Variants in YIF1B observed in about 807,000 individuals in gnomAD.
The protein encoded by YIF1B is protein YIF1B.
A neutral mutation model predicts 34.6 loss-of-function variants in YIF1B; 24 were observed. That is an observed-to-expected ratio of 0.69 (90% CI 0.50 to 0.98). YIF1B has a LOEUF of 0.98. Among genes scored for constraint, YIF1B ranks in the 50% least tolerant of loss-of-function variants. The pLI is 0.00. For missense variants in YIF1B, 368 were observed against 429.4 expected (o/e 0.86, Z 1.26); for synonymous variants, 186 against 184.8 (o/e 1.01, Z -0.05).
upstream of YIF1B, chr19:38,320,122 G>T: frequency 2.5e-6 from 4 of 1,583,318 alleles, no homozygotes; most frequent in Non-Finnish European, 3.4e-6. Flanking sequence ...GGCTGCCCCC[G>T]CCCTGGACGC....
chr19:38,319,731 C>G (rs1969623172), upstream of YIF1B: 1 of 505,470 alleles, frequency 2.0e-6, no homozygotes, highest in African/African-American at 2.0e-5. Context: ...TGGGCTCCAC[C>G]CTCTCCGAAC....
At chr19:38,306,502 G>C (rs1420344589) in intron 7 of YIF1B, among the ~76,000 whole-genome samples, 1 of 151,584 alleles carries the variant, frequency 6.6e-6, no homozygotes, top group African/African-American at 2.4e-5. Context: ...TGAGTCACGT[G>C]CTTGGCCTAA....
chr19:38,318,786 C>T (rs1476957500), upstream of YIF1B, among the ~76,000 whole-genome samples: 4 of 152,274 alleles, frequency 2.6e-5, no homozygotes, highest in Admixed American at 2.6e-4. Flanking sequence ...CTCTGCCAGT[C>T]GGATGGGGTT....
chr19:38,312,335 T>G (rs935829831), intron 1 of YIF1B, among the ~76,000 whole-genome samples: 1 of 149,512 alleles, frequency 6.7e-6, no homozygotes, highest in Non-Finnish European at 1.5e-5. Flanking sequence ...GAGGACTGCT[T>G]GAACCTGGGA....
At chr19:38,315,764 T>C (rs756542265) in intron 1 of YIF1B, 96 bp downstream of exon 1, 2 of 1,603,318 alleles carry the variant, frequency 1.2e-6, no homozygotes, top group African/African-American at 1.3e-5. Flanking sequence ...TTCCAGATCC[T>C]TGATCTCGTG....
At chr19:38,311,480 A>G (rs1969324854) in intron 1 of YIF1B, among the ~76,000 whole-genome samples, 1 of 152,144 alleles carries the variant, frequency 6.6e-6, no homozygotes, top group African/African-American at 2.4e-5. Context: ...TCATCTTCAC[A>G]ACCACCCTGT....
Position 38,305,131 on chromosome 19 carries a change from T to A in YIF1B, c.*221A>T. 7.0e-7 allele frequency: 1 copy of A among 1,421,050 alleles called. No homozygotes were observed. Among genetic ancestry groups the A allele is most frequent in the Non-Finnish European group, 9.4e-7 (1 of 1,068,256 alleles). The allele number at this position is 1,421,050 out of a possible 1,614,324, so 88.0% of individuals were successfully genotyped here. On this transcript the variant is annotated 3_prime_UTR_variant, in exon 8 of 8. Coordinates refer to ENST00000339413, the MANE Select transcript of YIF1B (RefSeq NM_001039672.3). ...CTGTCCACGCCATGCCCATCAGGGT[T>A]TATTGTTTCTGTAACAGCGGCCACG...
chr19:38,319,888 G>T (rs1156846468), upstream of YIF1B: 38 of 1,338,958 alleles, frequency 2.8e-5, no homozygotes, highest in South Asian at 4.5e-4. Flanking sequence ...GGTGCCAGAC[G>T]GTCCGGAGGC....
chr19:38,309,678 C>T, intron 1 of YIF1B, 35 bp from the exon 2 acceptor site: 1 of 1,577,756 alleles, frequency 6.3e-7, no homozygotes, highest in Non-Finnish European at 8.6e-7. Flanking sequence ...AGCTGGGGAC[C>T]CAGGATAGGT....
upstream of YIF1B, among the ~76,000 whole-genome samples, chr19:38,319,262 T>A (rs1199726060): frequency 6.6e-6 from 1 of 152,010 alleles, no homozygotes; most frequent in Non-Finnish European, 1.5e-5. Context: ...CTTGTGTCAG[T>A]CTCCCAGTTA....
rs151024907 is a variant in YIF1B, at chr19:38,308,099, C to T, written c.540-347G>A. Among the ~76,000 whole-genome samples the T allele has an allele frequency of 1.5e-4, 23 of 152,292 alleles. No homozygotes were observed. In the East Asian group the frequency reaches 4.4e-3, roughly 29 times the overall value. On this transcript the variant is annotated intron_variant, in intron 5 of 7. Coordinates refer to ENST00000339413, the MANE Select transcript of YIF1B (RefSeq NM_001039672.3). Reference sequence around the variant, plus strand: ...GGCCTCTGCCACATCCCCAGGGCCTCACCAGTTAGTTAATGACAGATGTGT... The same window carrying T: ...GGCCTCTGCCACATCCCCAGGGCCTTACCAGTTAGTTAATGACAGATGTGT...
At position 38,309,338 on chromosome 19, in the gene YIF1B, C is replaced by T; in HGVS notation, c.298-10G>A. 1.2e-6 allele frequency: 2 copies of T among 1,613,878 alleles called. No individual in the cohort carries two copies. The highest frequency in any genetic ancestry group is 1.7e-6 in the Non-Finnish European group (2 of 1,179,864). On this transcript the variant is annotated splice_polypyrimidine_tract_variant and intron_variant, in intron 2 of 7. Coordinates refer to ENST00000339413, the MANE Select transcript of YIF1B (RefSeq NM_001039672.3). ...GGATGAAGCGGTCGATCTGGGGAGGCAGAGCTCAAGTCTGAAGCCCTGTGG... is the reference window on the plus strand; with the variant it reads ...GGATGAAGCGGTCGATCTGGGGAGGTAGAGCTCAAGTCTGAAGCCCTGTGG...
intron 1 of YIF1B, 58 bp downstream of exon 1, chr19:38,315,802 C>T: frequency 1.3e-6 from 2 of 1,513,188 alleles, no homozygotes; most frequent in Non-Finnish European, 1.8e-6. Context: ...ACCTCGCCAA[C>T]CGACGCGGCC....
At chr19:38,320,237 C>T (rs778335237), upstream of YIF1B, 1 of 1,606,026 alleles carries the variant, frequency 6.2e-7, no homozygotes, top group Non-Finnish European at 8.5e-7. Flanking sequence ...TTCGCCTCTG[C>T]TCTCTTCTTC....
upstream of YIF1B, chr19:38,320,407 C>T (rs1969637548): frequency 6.4e-6 from 6 of 931,488 alleles, no homozygotes; most frequent in East Asian, 1.7e-4. Flanking sequence ...GAAAAGACCC[C>T]AGTGAGGACC....
intron 5 of YIF1B, 51 bp downstream of exon 5, chr19:38,308,741 C>G: frequency 6.2e-7 from 1 of 1,611,244 alleles, no homozygotes; most frequent in Non-Finnish European, 8.5e-7. Flanking sequence ...CCTGACCAAC[C>G]ATGGGCCTCC....
rs7248001 is a variant in YIF1B, at chr19:38,304,871, C to T, written c.*481G>A. ...CCCACGCTGCTGGCTCCAAGCAGCACGAGAGCATCCCGGGCAAGGCCAAGA... is the reference window on the plus strand; with the variant it reads ...CCCACGCTGCTGGCTCCAAGCAGCATGAGAGCATCCCGGGCAAGGCCAAGA... On this transcript the variant is annotated 3_prime_UTR_variant, in exon 8 of 8. Transcript: ENST00000339413. 9.0e-4 allele frequency: 1,448 copies of T among 1,613,662 alleles called. 10 individuals carry two copies. In the African/African-American group the frequency reaches 0.017, roughly 19 times the overall value.
intron 7 of YIF1B, among the ~76,000 whole-genome samples, chr19:38,306,122 T>G (rs1037565685): frequency 5.0e-5 from 7 of 139,288 alleles, no homozygotes; most frequent in Non-Finnish European, 1.1e-4. Context: ...GACTTGCTCC[T>G]GAACCCAAGA....
chr19:38,321,800 T>C (rs1288256968), upstream of YIF1B, among the ~76,000 whole-genome samples: 1 of 152,218 alleles, frequency 6.6e-6, no homozygotes, highest in Non-Finnish European at 1.5e-5. Flanking sequence ...GCTTCTGAGC[T>C]TCCCTGGGTC....
Sources: gnomAD v4.1 joint callset for allele counts (sites outside exome capture counted in the v4.1 genomes callset) on GRCh38, gnomAD v4.1.1 for gene constraint, MANE v1.5 for transcripts, NCBI Gene and HGNC (gene_info 2026-07-23, HGNC 2026-07-21) for gene names.